Variants in CDKAL1 observed in about 807,000 individuals in gnomAD.
CDKAL1 encodes the protein CDKAL1 threonylcarbamoyladenosine tRNA methylthiotransferase.
A neutral mutation model predicts 68.2 loss-of-function variants in CDKAL1; 32 were observed. The ratio of observed to expected loss-of-function variants is 0.47; its 90% CI spans 0.35 to 0.63. The LOEUF (loss-of-function observed/expected upper bound fraction) is 0.63. CDKAL1 is among the 30% of genes least tolerant of loss of function. The pLI, the probability that CDKAL1 is intolerant of heterozygous loss-of-function variation, is 0.00. For missense variants in CDKAL1, 606 were observed against 696.7 expected, an observed-to-expected ratio of 0.87 and a Z score of 1.47; for synonymous variants, 234 against 244.3, an observed-to-expected ratio of 0.96 and a Z score of 0.39.
intron 8 of CDKAL1, among the ~76,000 whole-genome samples, chr6:20,838,340 T>C (rs936253231): frequency 3.4e-4 from 51 of 152,140 alleles, no homozygotes; most frequent in Non-Finnish European, 6.5e-4. Flanking sequence ...ACAGTGTCAC[T>C]TTGTCTGGGT....
At chr6:21,199,113 A>G (rs934924074) in intron 14 of CDKAL1, among the ~76,000 whole-genome samples, 1 of 152,196 alleles carries the variant, frequency 6.6e-6, no homozygotes, top group Non-Finnish European at 1.5e-5. Flanking sequence ...AATGTTTGCT[A>G]TGGATCATGG....
At chr6:21,043,657 AT>A (rs1770060314) in intron 11 of CDKAL1, among the ~76,000 whole-genome samples, 1 of 152,124 alleles carries the variant, frequency 6.6e-6, no homozygotes, top group Non-Finnish European at 1.5e-5. Context: ...ATGCCTTTGC[AT>A]TTTGCTATCT....
At chr6:21,065,378 C>T in intron 12 of CDKAL1, 150 bp downstream of exon 12, 2 of 605,416 alleles carry the variant, frequency 3.3e-6, no homozygotes, top group Middle Eastern at 2.6e-4. Flanking sequence ...GGCCAGGGGG[C>T]CGTGGATGAG....
At chr6:21,076,644 G>T (rs1370645596) in intron 12 of CDKAL1, among the ~76,000 whole-genome samples, 1 of 152,104 alleles carries the variant, frequency 6.6e-6, no homozygotes, top group Non-Finnish European at 1.5e-5. Flanking sequence ...ATATTTTCAA[G>T]AATTTTTATA....
chr6:21,122,845 A>C (rs1040644105), intron 13 of CDKAL1, among the ~76,000 whole-genome samples: 2 of 124,324 alleles, frequency 1.6e-5, no homozygotes, highest in Admixed American at 2.0e-4. Flanking sequence ...GGGTCTCACT[A>C]TGTTGCCCAG....
intron 8 of CDKAL1, among the ~76,000 whole-genome samples, chr6:20,801,134 G>C (rs1251304256): frequency 1.3e-5 from 2 of 151,966 alleles, no homozygotes; most frequent in African/African-American, 4.8e-5. Context: ...ATGTTGCCCA[G>C]GCTGGTCTCA....
At position 20,955,582 on chromosome 6, in the gene CDKAL1, G is replaced by A; in HGVS notation, c.906G>A (p.Leu302=). 1 of 1,613,930 alleles carries A rather than the reference G, an allele frequency of 6.2e-7. No homozygotes were observed. Among genetic ancestry groups the A allele is most frequent in the Non-Finnish European group, 8.5e-7 (1 of 1,179,908 alleles). The change falls in exon 10 of 16, where the codon CTG becomes CTA. Residue 302 remains leucine, a synonymous_variant. Coordinates refer to ENST00000274695, the MANE Select transcript of CDKAL1 (RefSeq NM_017774.3). ...ATCCGCCCTATATTTTAGAGCATCT[G>A]GAGGTAAGGAAAAGCACCCTATTTG... The part of the protein sequence containing the change: ...MTNPPYILEH[L]EEMAKILNHP...
rs545282431 is a variant in CDKAL1 at position 21,219,749 on chromosome 6, CAT to C, written c.1549-11098_1549-11097del. On this transcript the variant is annotated intron_variant, in intron 15 of 15. Transcript: ENST00000274695. ...TATTGTAATAACAGCTAACATCACA[CAT>C]GTCTTCTTTTTCATTTAAAATACAA... 4.4e-4 allele frequency among the ~76,000 whole-genome samples: 67 copies of C among 152,304 alleles called. 1 individual carries two copies. The highest frequency in any genetic ancestry group is 4.1e-3 in the South Asian group (20 of 4,828).
intron 8 of CDKAL1, among the ~76,000 whole-genome samples, chr6:20,831,562 A>G (rs1168839417): frequency 2.6e-5 from 4 of 152,154 alleles, no homozygotes; most frequent in Admixed American, 2.6e-4. Context: ...AGTGGATCAG[A>G]CCAGCAGCAG....
chr6:20,808,833 C>G lies in CDKAL1; in HGVS notation c.638+27568C>G, dbSNP rs115855651. 7.7e-3 allele frequency among the ~76,000 whole-genome samples: 1,165 copies of G among 152,154 alleles called. 23 individuals carry two copies. Among genetic ancestry groups the G allele is most frequent in the African/African-American group, 0.026 (1,087 of 41,492 alleles). ...TTCTACTGTGTTTTCTATTTTGAAA[C>G]AAGGCTGATTTTTCACTGGGCTCCT... On this transcript the variant is annotated intron_variant, in intron 8 of 15. Coordinates refer to ENST00000274695, the MANE Select transcript of CDKAL1 (RefSeq NM_017774.3).
At chr6:20,839,555 C>T (rs1232630872) in intron 8 of CDKAL1, among the ~76,000 whole-genome samples, 2 of 151,980 alleles carry the variant, frequency 1.3e-5, no homozygotes. Context: ...GACTATCAGG[C>T]CCTTTATTTC....
At chr6:20,661,230 C>A (rs1197750862) in intron 5 of CDKAL1, among the ~76,000 whole-genome samples, 1 of 152,156 alleles carries the variant, frequency 6.6e-6, no homozygotes, top group African/African-American at 2.4e-5. Flanking sequence ...TATTATCTAT[C>A]ATATGTGAAT....
At chr6:21,154,186 T>C (rs1776540032) in intron 13 of CDKAL1, among the ~76,000 whole-genome samples, 1 of 152,198 alleles carries the variant, frequency 6.6e-6, no homozygotes, top group African/African-American at 2.4e-5. Context: ...GTGTAAGTAC[T>C]GGTTAAATGC....
chr6:20,922,427 C>T (rs752992006), intron 9 of CDKAL1, among the ~76,000 whole-genome samples: 5 of 152,016 alleles, frequency 3.3e-5, no homozygotes, highest in Admixed American at 6.6e-5. Flanking sequence ...TCACCTAAGA[C>T]GCATAGGAGC....
At position 20,677,492 on chromosome 6, in the gene CDKAL1, C is replaced by T. The variant is rs567715000; in HGVS notation, c.371+28115C>T. On this transcript the variant is annotated intron_variant, in intron 5 of 15. Transcript: ENST00000274695. ...GGAGTGCAATGGCACGATCTTGCCT[C>T]ATTGCTGCCTCCACCTCCCAGGTTC... Among the ~76,000 whole-genome samples the T allele has an allele frequency of 5.3e-5, 8 of 152,174 alleles. No individual in the cohort carries two copies. In the East Asian group the frequency reaches 1.5e-3, roughly 29 times the overall value.
intron 5 of CDKAL1, among the ~76,000 whole-genome samples, chr6:20,702,151 C>T (rs1221288802): frequency 6.6e-6 from 1 of 152,182 alleles, no homozygotes; most frequent in Admixed American, 6.5e-5. Flanking sequence ...CCTTGTCCCC[C>T]TCGCAGGGCG....
intron 4 of CDKAL1, among the ~76,000 whole-genome samples, chr6:20,597,505 C>T (rs1765885354): frequency 1.3e-5 from 2 of 152,250 alleles, no homozygotes; most frequent in African/African-American, 2.4e-5. Context: ...ACCTCTGCCT[C>T]ACAGGTTCAA....
At chr6:20,853,421 T>C (rs998454360) in intron 9 of CDKAL1, among the ~76,000 whole-genome samples, 1 of 150,010 alleles carries the variant, frequency 6.7e-6, no homozygotes, top group Non-Finnish European at 1.5e-5. Context: ...AAACCCTATA[T>C]GATAGGGGTT....
rs746285376 is a variant in CDKAL1, at chr6:20,921,774, AG to A, written c.743-33644del. Among the ~76,000 whole-genome samples, 49 of 152,342 alleles carry A rather than the reference AG, an allele frequency of 3.2e-4. 1 individual carries two copies. Among genetic ancestry groups the A allele is most frequent in the Non-Finnish European group, 3.5e-4 (24 of 68,030 alleles). On this transcript the variant is annotated intron_variant, in intron 9 of 15. Transcript: ENST00000274695. ...CTCAGATTTGGGCTTTACTTTCTGT[AG>A]TTCTTATTCTTCCTACTTGGCCAAA...
Sources: allele counts gnomAD v4.1 joint callset (sites outside exome capture counted in the v4.1 genomes callset), GRCh38; gene constraint gnomAD v4.1.1; transcripts MANE v1.5; gene names NCBI Gene and HGNC (gene_info 2026-07-23, HGNC 2026-07-21).